The following HS3ST4 variants were observed in gnomAD, a reference collection of about 807,000 sequenced individuals.
HS3ST4 encodes the protein heparan sulfate glucosamine 3-O-sulfotransferase 4.
HS3ST4 carries 17 observed loss-of-function variants against 29.2 expected under a neutral mutation model. The ratio of observed to expected loss-of-function variants is 0.58; its 90% CI spans 0.40 to 0.87. The LOEUF is 0.87. Among genes scored for constraint, HS3ST4 ranks in the 40% least tolerant of loss-of-function variants. The probability of loss-of-function intolerance (pLI) is 0.00; values close to 1 mark genes in which losing one functional copy is unlikely to be tolerated. For synonymous variants in HS3ST4, 314 were observed against 285.7 expected, an observed-to-expected ratio of 1.10 and a Z score of -1.00; for missense variants, 627 against 634.5, an observed-to-expected ratio of 0.99 and a Z score of 0.13.
intron 1 of HS3ST4, among the ~76,000 whole-genome samples, chr16:25,939,016 T>C (rs1317140709): frequency 3.9e-5 from 6 of 152,306 alleles, no homozygotes; most frequent in African/African-American, 1.2e-4. Context: ...TGATCAGCGA[T>C]GATCAGTGAT....
At chr16:26,027,971 A>C (rs1269908960) in intron 1 of HS3ST4, among the ~76,000 whole-genome samples, 2 of 152,172 alleles carry the variant, frequency 1.3e-5, no homozygotes, top group Non-Finnish European at 2.9e-5. Context: ...TTCAGAATAA[A>C]GATTAAAAAG....
chr16:26,105,463 A>G (rs1899041314), intron 1 of HS3ST4, among the ~76,000 whole-genome samples: 1 of 152,214 alleles, frequency 6.6e-6, no homozygotes. Context: ...AACTTTTGTG[A>G]CATACTTGCA....
intron 1 of HS3ST4, among the ~76,000 whole-genome samples, chr16:25,888,061 G>T (rs1967973057): frequency 6.6e-6 from 1 of 152,090 alleles, no homozygotes; most frequent in Non-Finnish European, 1.5e-5. Context: ...TCCATAATAT[G>T]CCTGTATGTT....
At chr16:25,889,927 C>T (rs185866420) in intron 1 of HS3ST4, among the ~76,000 whole-genome samples, 33 of 152,126 alleles carry the variant, frequency 2.2e-4, no homozygotes, top group East Asian at 5.8e-4. Flanking sequence ...CTCTCTCTTG[C>T]CTGCTGCCAT....
intron 1 of HS3ST4, among the ~76,000 whole-genome samples, chr16:25,966,181 G>A (rs1968840528): frequency 6.6e-6 from 1 of 152,152 alleles, no homozygotes; most frequent in Non-Finnish European, 1.5e-5. Flanking sequence ...CAGAGATTAA[G>A]GGACATGGCC....
chr16:25,855,289 C>G (rs1967564550), intron 1 of HS3ST4, among the ~76,000 whole-genome samples: 1 of 152,136 alleles, frequency 6.6e-6, no homozygotes, highest in African/African-American at 2.4e-5. Context: ...ACATAGCAGA[C>G]TTCAGAGAGA....
chr16:26,114,232 G>A (rs1050293133), intron 1 of HS3ST4, among the ~76,000 whole-genome samples: 2 of 152,290 alleles, frequency 1.3e-5, no homozygotes, highest in Middle Eastern at 3.4e-3. Context: ...GGGATCCACA[G>A]GGCATAGCTA....
At chr16:25,725,798 A>T (rs1162882078) in intron 1 of HS3ST4, among the ~76,000 whole-genome samples, 1 of 151,196 alleles carries the variant, frequency 6.6e-6, no homozygotes, top group Non-Finnish European at 1.5e-5. Context: ...AAATAAATGC[A>T]TATATTTAAT....
At chr16:25,896,202 T>A (rs1567267115) in intron 1 of HS3ST4, among the ~76,000 whole-genome samples, 1 of 152,178 alleles carries the variant, frequency 6.6e-6, no homozygotes, top group Non-Finnish European at 1.5e-5. Flanking sequence ...TGGGATTGTC[T>A]GGGAACAGGT....
chr16:26,018,999 G>A (rs1404320011), intron 1 of HS3ST4, among the ~76,000 whole-genome samples: 1 of 152,116 alleles, frequency 6.6e-6, no homozygotes, highest in African/African-American at 2.4e-5. Context: ...ATGTGACTTT[G>A]CAATCCCTGC....
chr16:25,895,366 ATGAT>A (rs1231252179), intron 1 of HS3ST4, among the ~76,000 whole-genome samples: 11 of 152,290 alleles, frequency 7.2e-5, no homozygotes, highest in Admixed American at 3.9e-4. Context: ...ACGATGGAGA[ATGAT>A]TGAATGTTTT....
chr16:25,813,885 C>A (rs1419218753), intron 1 of HS3ST4, among the ~76,000 whole-genome samples: 1 of 152,150 alleles, frequency 6.6e-6, no homozygotes, highest in Non-Finnish European at 1.5e-5. Flanking sequence ...TAGGAATATT[C>A]CATTCACACA....
chr16:25,872,724 C>G (rs970583877), intron 1 of HS3ST4, among the ~76,000 whole-genome samples: 1 of 152,126 alleles, frequency 6.6e-6, no homozygotes, highest in Non-Finnish European at 1.5e-5. Flanking sequence ...GTCACATAGA[C>G]AAGGCTAGAT....
intron 1 of HS3ST4, among the ~76,000 whole-genome samples, chr16:25,964,659 T>G (rs950082217): frequency 2.0e-5 from 3 of 152,192 alleles, no homozygotes; most frequent in Non-Finnish European, 4.4e-5. Context: ...TTACGCTCAG[T>G]CCCTGTGAAT....
intron 1 of HS3ST4, among the ~76,000 whole-genome samples, chr16:25,746,793 T>C (rs1311763966): frequency 6.6e-6 from 1 of 152,094 alleles, no homozygotes; most frequent in African/African-American, 2.4e-5. Flanking sequence ...CCTCATGATC[T>C]GCCCACCTTG....
chr16:25,934,511 G>C (rs1596618879), intron 1 of HS3ST4, among the ~76,000 whole-genome samples: 1 of 152,182 alleles, frequency 6.6e-6, no homozygotes, highest in East Asian at 1.9e-4. Flanking sequence ...CAGCATTGTG[G>C]GCTCCTGGAT....
In HS3ST4 at chr16:26,120,125, A is replaced by G. The variant is rs184625134; in HGVS notation, c.735-15487A>G. Among the ~76,000 whole-genome samples, 3 of 151,914 alleles carry G rather than the reference A, an allele frequency of 2.0e-5. No individual in the cohort carries two copies. In the East Asian group the frequency reaches 5.8e-4, roughly 29 times the overall value. ...TGTGACAGATACTCTACAGGGAATT[A>G]GCATGCATGAATGCCTGATAATATA... On this transcript the variant is annotated intron_variant, in intron 1 of 1. Coordinates refer to ENST00000331351, the MANE Select transcript of HS3ST4 (RefSeq NM_006040.3).
At chr16:25,882,832 C>T (rs116734087) in intron 1 of HS3ST4, among the ~76,000 whole-genome samples, 3,214 of 152,220 alleles carry the variant, frequency 0.021, 116 homozygotes, top group African/African-American at 0.073. Flanking sequence ...GGTGATGAAC[C>T]GTGCTCATGT....
chr16:25,955,478 T>C (rs1367139515), intron 1 of HS3ST4, among the ~76,000 whole-genome samples: 2 of 152,190 alleles, frequency 1.3e-5, no homozygotes, highest in African/African-American at 4.8e-5. Flanking sequence ...TTTAAGCAAT[T>C]GCCTTTACTG....
Sources: allele counts gnomAD v4.1 joint callset (sites outside exome capture counted in the v4.1 genomes callset), GRCh38; gene constraint gnomAD v4.1.1; transcripts MANE v1.5; gene names NCBI Gene and HGNC (gene_info 2026-07-23, HGNC 2026-07-21).